The following PLCB1 variants were observed in gnomAD, a reference collection of about 807,000 sequenced individuals.
PLCB1 encodes 1-phosphatidylinositol 4,5-bisphosphate phosphodiesterase beta-1.
In PLCB1, 46 loss-of-function variants were observed where a neutral mutation model predicts 161.8. The observed-to-expected ratio is 0.28, with a 90% CI of 0.22 to 0.36. PLCB1 has a LOEUF of 0.36. Among genes scored for constraint, PLCB1 ranks in the 10% least tolerant of loss-of-function variants. PLCB1 has a pLI of 1.00. For synonymous variants in PLCB1, 517 were observed against 503.7 expected (o/e 1.03, Z -0.35); for missense variants, 1,016 against 1,472.5 (o/e 0.69, Z 5.07).
At chr20:8,335,798 G>A (rs569410824) in intron 2 of PLCB1, among the ~76,000 whole-genome samples, 1 of 152,240 alleles carries the variant, frequency 6.6e-6, no homozygotes, top group South Asian at 2.1e-4. Flanking sequence ...AAGCATTGTA[G>A]TAATTTATGT....
intron 31 of PLCB1, among the ~76,000 whole-genome samples, chr20:8,790,844 C>T (rs6039270): frequency 0.32 from 48,256 of 151,928 alleles, 7,693 homozygotes; most frequent in Middle Eastern, 0.48. Context: ...AACTGAGTAT[C>T]TGTAGATCAA....
chr20:8,135,100 T>C (rs1005325562), intron 1 of PLCB1, among the ~76,000 whole-genome samples: 2 of 152,146 alleles, frequency 1.3e-5, no homozygotes, highest in Non-Finnish European at 2.9e-5. Flanking sequence ...GCTATTTATA[T>C]TGTACCTTAG....
chr20:8,880,071 C>T (rs572264587), intron 31 of PLCB1, among the ~76,000 whole-genome samples: 9 of 152,064 alleles, frequency 5.9e-5, no homozygotes, highest in African/African-American at 9.6e-5. Flanking sequence ...AAATTCCAGA[C>T]GATTTGTGTG....
At chr20:8,228,034 A>G (rs890764869) in intron 2 of PLCB1, among the ~76,000 whole-genome samples, 29 of 152,236 alleles carry the variant, frequency 1.9e-4, no homozygotes, top group Middle Eastern at 3.4e-3. Flanking sequence ...AAAAGTGTGA[A>G]AAATAAAAGT....
chr20:8,163,961 A>G (rs1218537827), intron 2 of PLCB1, among the ~76,000 whole-genome samples: 3 of 152,170 alleles, frequency 2.0e-5, no homozygotes, highest in Non-Finnish European at 4.4e-5. Flanking sequence ...TGGCATAAAG[A>G]CTAGATTTTT....
At chr20:8,420,878 CA>C (rs756631393) in intron 3 of PLCB1, among the ~76,000 whole-genome samples, 1 of 152,082 alleles carries the variant, frequency 6.6e-6, no homozygotes, top group Non-Finnish European at 1.5e-5. Flanking sequence ...GAAAATTTGC[CA>C]TCTTCATTCA....
intron 2 of PLCB1, among the ~76,000 whole-genome samples, chr20:8,159,343 T>C (rs965763214): frequency 2.6e-5 from 4 of 152,086 alleles, no homozygotes. Flanking sequence ...GTGGCAGGGA[T>C]GTAGGGCACC....
At chr20:8,687,717 T>C (rs1321349437) in intron 10 of PLCB1, among the ~76,000 whole-genome samples, 1 of 152,258 alleles carries the variant, frequency 6.6e-6, no homozygotes, top group Non-Finnish European at 1.5e-5. Context: ...TACCACAGTT[T>C]CTATATCTAC....
chr20:8,295,903 G>A (rs1434993450), intron 2 of PLCB1, among the ~76,000 whole-genome samples: 1 of 151,828 alleles, frequency 6.6e-6, no homozygotes, highest in Non-Finnish European at 1.5e-5. Flanking sequence ...TGTAGAAATG[G>A]GGTCTGACTT....
chr20:8,485,879 T>C (rs1982701715), intron 3 of PLCB1, among the ~76,000 whole-genome samples: 1 of 152,156 alleles, frequency 6.6e-6, no homozygotes, highest in South Asian at 2.1e-4. Context: ...GGTGTATTAG[T>C]CTGTTCTCAC....
At chr20:8,618,441 T>C (rs962687144) in intron 3 of PLCB1, among the ~76,000 whole-genome samples, 4 of 151,846 alleles carry the variant, frequency 2.6e-5, no homozygotes, top group Admixed American at 6.6e-5. Context: ...GGTGGGAAGA[T>C]AGCTTGAGCC....
At chr20:8,734,130 T>G (rs1261177183) in intron 19 of PLCB1, among the ~76,000 whole-genome samples, 1 of 20,468 alleles carries the variant, frequency 4.9e-5, no homozygotes. Flanking sequence ...AGCGAGACTC[T>G]GTCTCAAAAA....
At chr20:8,359,448 A>T in intron 2 of PLCB1, among the ~76,000 whole-genome samples, 1 of 152,288 alleles carries the variant, frequency 6.6e-6, no homozygotes, top group East Asian at 1.9e-4. Context: ...GAGAATATGA[A>T]CATATTTCTT....
At chr20:8,446,217 A>G (rs556518221) in intron 3 of PLCB1, among the ~76,000 whole-genome samples, 4 of 152,348 alleles carry the variant, frequency 2.6e-5, no homozygotes, top group Middle Eastern at 3.4e-3. Flanking sequence ...ACCATGATCA[A>G]GTGGGCTTCA....
At chr20:8,299,351 C>G (rs1034414697) in intron 2 of PLCB1, among the ~76,000 whole-genome samples, 2 of 152,000 alleles carry the variant, frequency 1.3e-5, no homozygotes, top group Non-Finnish European at 1.5e-5. Context: ...ACAATAAAAT[C>G]TACATTTTTG....
intron 2 of PLCB1, among the ~76,000 whole-genome samples, chr20:8,240,916 G>C (rs1980577210): frequency 2.0e-5 from 3 of 151,906 alleles, no homozygotes; most frequent in African/African-American, 7.2e-5. Context: ...AGCAAAACCA[G>C]TTCTGATTGG....
intron 3 of PLCB1, among the ~76,000 whole-genome samples, chr20:8,538,271 T>C (rs1985133564): frequency 6.6e-6 from 1 of 152,248 alleles, no homozygotes. Flanking sequence ...AATTCACTTA[T>C]TAGAAGCATG....
chr20:8,754,066 A>C (rs138512783), intron 23 of PLCB1, among the ~76,000 whole-genome samples: 3 of 152,292 alleles, frequency 2.0e-5, no homozygotes, highest in Non-Finnish European at 2.9e-5. Flanking sequence ...GTCCAGCACC[A>C]ACCCTTGGTG....
At chr20:8,601,084 G>C (rs895336528) in intron 3 of PLCB1, among the ~76,000 whole-genome samples, 4 of 152,208 alleles carry the variant, frequency 2.6e-5, no homozygotes, top group South Asian at 2.1e-4. Context: ...GCTGGGAGCT[G>C]TAGACCGGAG....
Sources: allele counts gnomAD v4.1 joint callset (sites outside exome capture counted in the v4.1 genomes callset), GRCh38; gene constraint gnomAD v4.1.1; transcripts MANE v1.5; gene names NCBI Gene and HGNC (gene_info 2026-07-23, HGNC 2026-07-21).